KIAA0232: variants seen among roughly 807,000 people sequenced by gnomAD.
KIAA0232 encodes the protein KIAA0232, also known as uncharacterized protein KIAA0232.
KIAA0232 carries 27 observed loss-of-function variants against 122.0 expected under a neutral mutation model. That is an observed-to-expected ratio of 0.22 (90% CI 0.16 to 0.31). The LOEUF (loss-of-function observed/expected upper bound fraction) is 0.31, where lower values mean the gene tolerates loss of function less well. KIAA0232 is among the 10% of genes least tolerant of loss of function. The probability of loss-of-function intolerance (pLI) is 1.00; values close to 1 mark genes in which losing one functional copy is unlikely to be tolerated. For synonymous variants in KIAA0232, 613 were observed against 587.6 expected (o/e 1.04, Z -0.63); for missense variants, 1,551 against 1,634.2 (o/e 0.95, Z 0.88).
At chr4:6,858,032 T>C (rs1417785344) in intron 5 of KIAA0232, among the ~76,000 whole-genome samples, 1 of 152,246 alleles carries the variant, frequency 6.6e-6, no homozygotes, top group Non-Finnish European at 1.5e-5. Flanking sequence ...TCTTTACAGA[T>C]TAGTTTTGGT....
chr4:6,874,786 A>T (rs956515845), intron 8 of KIAA0232, among the ~76,000 whole-genome samples: 4 of 152,224 alleles, frequency 2.6e-5, no homozygotes, highest in African/African-American at 9.7e-5. Context: ...TGCCTAGAAC[A>T]GTGGCTGGCA....
intron 7 of KIAA0232, among the ~76,000 whole-genome samples, chr4:6,864,489 A>G (rs1391873888): frequency 6.6e-6 from 1 of 152,178 alleles, no homozygotes; most frequent in African/African-American, 2.4e-5. Flanking sequence ...CTGTAATCCC[A>G]GCACTTTGGG....
chr4:6,852,602 A>G (rs935439108), intron 4 of KIAA0232, among the ~76,000 whole-genome samples: 1 of 152,216 alleles, frequency 6.6e-6, no homozygotes, highest in Non-Finnish European at 1.5e-5. Context: ...GGCTGAAAAT[A>G]GGAGTGTTTG....
chr4:6,850,219 C>A (rs1029678147), intron 4 of KIAA0232, among the ~76,000 whole-genome samples: 2 of 152,140 alleles, frequency 1.3e-5, no homozygotes, highest in African/African-American at 4.8e-5. Flanking sequence ...CAGAAAGGGC[C>A]AAATGATGGC....
At chr4:6,826,032 C>A (rs775375612) in intron 3 of KIAA0232, among the ~76,000 whole-genome samples, 28 of 152,046 alleles carry the variant, frequency 1.8e-4, no homozygotes, top group Non-Finnish European at 3.8e-4. Context: ...TCACTGAAGC[C>A]TTGAACTCCT....
At chr4:6,792,839 A>G (rs1024616155) in intron 1 of KIAA0232, among the ~76,000 whole-genome samples, 4 of 151,690 alleles carry the variant, frequency 2.6e-5, no homozygotes, top group Non-Finnish European at 5.9e-5. Context: ...ACAGGTGCCC[A>G]CCACCACGCC....
intron 3 of KIAA0232, among the ~76,000 whole-genome samples, chr4:6,840,731 T>G (rs1205079916): frequency 6.6e-6 from 1 of 152,070 alleles, no homozygotes; most frequent in African/African-American, 2.4e-5. Flanking sequence ...CTTTTTTTTT[T>G]TTTTTGAGAC....
intron 3 of KIAA0232, among the ~76,000 whole-genome samples, chr4:6,831,205 G>A (rs982549553): frequency 2.6e-5 from 4 of 151,928 alleles, no homozygotes; most frequent in African/African-American, 4.8e-5. Context: ...ACAGGTGCGC[G>A]CCACCACGCC....
At chr4:6,847,728 A>G (rs1720042145) in intron 4 of KIAA0232, among the ~76,000 whole-genome samples, 1 of 152,196 alleles carries the variant, frequency 6.6e-6, no homozygotes, top group Non-Finnish European at 1.5e-5. Context: ...GCCATAGGCA[A>G]TTCAGCCCTC....
intron 2 of KIAA0232, among the ~76,000 whole-genome samples, chr4:6,820,763 C>A (rs1430763049): frequency 1.3e-5 from 2 of 152,122 alleles, no homozygotes; most frequent in Admixed American, 6.5e-5. Flanking sequence ...TTGAATGGAT[C>A]CACATTTTGT....
At chr4:6,799,985 G>A (rs1043453086) in intron 1 of KIAA0232, among the ~76,000 whole-genome samples, 3 of 149,286 alleles carry the variant, frequency 2.0e-5, no homozygotes, top group Admixed American at 6.7e-5. Flanking sequence ...GAGCCACTCC[G>A]CCTTGCTGGC....
At position 6,863,327 on chromosome 4, in the gene KIAA0232, T is replaced by C; in HGVS notation, c.2945T>C (p.Phe982Ser). The C allele has an allele frequency of 5.0e-6, 8 of 1,614,198 alleles. No individual in the cohort carries two copies. Among genetic ancestry groups the C allele is most frequent in the Non-Finnish European group, 6.8e-6 (8 of 1,180,018 alleles). Residue 982 changes from phenylalanine (F) to serine (S), a missense_variant, in exon 7 of 10, where the codon TTT becomes TCT. Around this residue, in one of 5 missense-constraint regions of KIAA0232, gnomAD observed 1,108 missense variants for 1,154.8 expected, o/e 0.96. Transcript: ENST00000307659. Reference sequence around the variant, plus strand: ...GTCTTTATGACCCCAGGAAACAGTTTTGCTCCTGGGCACAGGCAGTTATGG... The same window carrying C: ...GTCTTTATGACCCCAGGAAACAGTTCTGCTCCTGGGCACAGGCAGTTATGG... ...TDVFMTPGNS[F>S]APGHRQLWKP...
chr4:6,883,908 A>G lies in KIAA0232; in HGVS notation c.*2942A>G, dbSNP rs1722189503. ...AGAAATTTACATTCAAGAGTGTACT[A>G]TACTTGTTCTTCTATAACATCAGAA... On this transcript the variant is annotated 3_prime_UTR_variant, in exon 10 of 10. Coordinates refer to ENST00000307659, the MANE Select transcript of KIAA0232 (RefSeq NM_014743.3). 1 of 152,208 alleles carries G rather than the reference A, an allele frequency of 6.6e-6. No homozygotes were observed. Among genetic ancestry groups the G allele is most frequent in the Non-Finnish European group, 1.5e-5 (1 of 68,042 alleles). 9.4% of individuals were successfully genotyped at this position (152,208 alleles called of 1,614,324 possible).
At chr4:6,866,344 AT>A (rs1198591672) in intron 7 of KIAA0232, 1 of 397,252 alleles carries the variant, frequency 2.5e-6, no homozygotes, top group Admixed American at 6.4e-5. Context: ...CCCAGAGGAC[AT>A]TTTGGGATTG....
Position 6,861,536 on chromosome 4 carries a change from A to G in KIAA0232, c.1154A>G (p.Asp385Gly). Residue 385 changes from aspartate to glycine, a missense_variant, in exon 7 of 10, where the codon GAC becomes GGC. By Grantham distance (94) the Asp-to-Gly change is moderately conservative (BLOSUM62 -1). Transcript: ENST00000307659. ...RKDPGSTEGKDLYMENRKDTE... is the reference protein window; with the variant it reads ...RKDPGSTEGKGLYMENRKDTE... The stretch of plus-strand genomic sequence containing the variant: ...GATCCTGGGAGCACTGAAGGAAAAG[A>G]CCTGTACATGGAGAATAGAAAGGAC... 6.2e-7 allele frequency: 1 copy of G among 1,614,074 alleles called. No homozygotes were observed. Among genetic ancestry groups the G allele is most frequent in the Non-Finnish European group, 8.5e-7 (1 of 1,180,016 alleles).
At chr4:6,822,370 G>A (rs1049299383) in intron 2 of KIAA0232, among the ~76,000 whole-genome samples, 2 of 152,142 alleles carry the variant, frequency 1.3e-5, no homozygotes, top group Admixed American at 6.5e-5. Context: ...TATATTTAAT[G>A]TGTGTAAAAT....
chr4:6,805,403 G>T (rs1717571044), intron 2 of KIAA0232, among the ~76,000 whole-genome samples: 1 of 152,086 alleles, frequency 6.6e-6, no homozygotes, highest in African/African-American at 2.4e-5. Context: ...TTTTCATATA[G>T]AATTAGATTA....
At chr4:6,858,092 A>C (rs1354857503) in intron 5 of KIAA0232, among the ~76,000 whole-genome samples, 2 of 152,234 alleles carry the variant, frequency 1.3e-5, no homozygotes, top group Non-Finnish European at 2.9e-5. Flanking sequence ...GTGAGAAAAT[A>C]GTTTTGGAAT....
In KIAA0232 at chr4:6,824,439, C is replaced by T. The variant is rs1305974055; in HGVS notation, c.-15C>T. The T allele has an allele frequency of 2.5e-5, 40 of 1,601,750 alleles. No homozygotes were observed. Among genetic ancestry groups the T allele is most frequent in the Non-Finnish European group, 3.1e-5 (36 of 1,168,768 alleles). ...AAAATGCTTCACATTTTAAGGATGT[C>T]GGCAACCTAAATTCATGTACCCTAT... On this transcript the variant is annotated 5_prime_UTR_variant, in exon 3 of 10. Coordinates refer to ENST00000307659, the MANE Select transcript of KIAA0232 (RefSeq NM_014743.3).
Sources: gnomAD v4.1 joint callset for allele counts (sites outside exome capture counted in the v4.1 genomes callset) on GRCh38, gnomAD v4.1.1 for gene constraint, gnomAD v4.1.1 regional missense constraint, MANE v1.5 for transcripts, NCBI Gene and HGNC (gene_info 2026-07-23, HGNC 2026-07-21) for gene names.